SFRP2: variants seen among roughly 807,000 people sequenced by gnomAD.
SFRP2 encodes the protein secreted frizzled related protein 2.
In SFRP2, 16 loss-of-function variants were observed where a neutral mutation model predicts 26.0. That is an observed-to-expected ratio of 0.61 (90% confidence interval 0.42 to 0.93). The LOEUF is 0.93. Among genes scored for constraint, SFRP2 ranks in the 40% least tolerant of loss-of-function variants. The probability of loss-of-function intolerance (pLI) is 0.00; values close to 1 mark genes in which losing one functional copy is unlikely to be tolerated. For missense variants in SFRP2, 343 were observed against 392.4 expected (o/e 0.87, Z 1.06); for synonymous variants, 173 against 167.3 (o/e 1.03, Z -0.26).
chr4:153,784,272 T>C (rs180759323), intron 2 of SFRP2, among the ~76,000 whole-genome samples: 33 of 152,358 alleles, frequency 2.2e-4, no homozygotes, highest in Non-Finnish European at 4.0e-4. Flanking sequence ...ATCTTGCCCT[T>C]AATGAAGTGA....
At position 153,789,045 on chromosome 4, in the gene SFRP2, G is replaced by A. The variant is rs554432240; in HGVS notation, c.-210C>T. The stretch of plus-strand genomic sequence containing the variant: ...GCAAGCCCGCGCGCAGCTCCGGGGG[G>A]CTCCGACCCGGGGGAGCAGAATGAG... On this transcript the variant is annotated 5_prime_UTR_variant, in exon 1 of 3. Coordinates refer to ENST00000274063, the MANE Select transcript of SFRP2 (RefSeq NM_003013.3). 3.6e-5 allele frequency: 19 copies of A among 532,784 alleles called. No homozygotes were observed. The highest frequency in any genetic ancestry group is 3.1e-4 in the Admixed American group (8 of 25,578). 33.0% of individuals were successfully genotyped at this position (532,784 alleles called of 1,614,324 possible). A position where few individuals can be genotyped will look rare whatever the true frequency, so the allele number is the denominator to read the frequency against.
Position 153,781,604 on chromosome 4 carries a change from G to C in SFRP2, c.735C>G (p.Cys245Trp). 2 of 1,614,174 alleles carry C rather than the reference G, an allele frequency of 1.2e-6. No individual in the cohort carries two copies. Among genetic ancestry groups the C allele is most frequent in the Non-Finnish European group, 1.7e-6 (2 of 1,180,022 alleles). The change falls in exon 3 of 3, where the codon TGC becomes TGG. Residue 245 changes from cysteine to tryptophan, a missense_variant. Transcript: ENST00000274063. ...SVLWLKDSLQCTCEEMNDINA... is the reference protein window; with the variant it reads ...SVLWLKDSLQWTCEEMNDINA... ...TGATGTCGTTCATCTCCTCACAGGT[G>C]CACTGCAAGCTGTCTTTGAGCCACA...
intron 1 of SFRP2, among the ~76,000 whole-genome samples, chr4:153,787,270 G>T (rs886168933): frequency 2.0e-5 from 3 of 152,300 alleles, no homozygotes; most frequent in Middle Eastern, 6.8e-3. Context: ...ACAAATGTTT[G>T]AAAAATGCCA....
intron 1 of SFRP2, 90 bp from the exon 2 acceptor site, chr4:153,786,034 CA>C: frequency 1.6e-6 from 1 of 636,864 alleles, no homozygotes; most frequent in Non-Finnish European, 2.6e-6. Flanking sequence ...CTTATCCAGA[CA>C]AAAGTAGCAA....
At chr4:153,785,681 G>A (rs1741192520) in intron 2 of SFRP2, among the ~76,000 whole-genome samples, 183 bp downstream of exon 2, 1 of 151,474 alleles carries the variant, frequency 6.6e-6, no homozygotes, top group Admixed American at 6.6e-5. Flanking sequence ...ACAACTCAAT[G>A]CTAGACAGTT....
chr4:153,785,709 G>C (rs1281043093), intron 2 of SFRP2, among the ~76,000 whole-genome samples, 155 bp downstream of exon 2: 2 of 152,092 alleles, frequency 1.3e-5, no homozygotes, highest in Admixed American at 6.6e-5. Context: ...GAGGAAACTA[G>C]GATAGATCAA....
At chr4:153,781,822 C>G (rs1262232683) in intron 2 of SFRP2, 67 bp from the exon 3 acceptor site, 4 of 1,384,664 alleles carry the variant, frequency 2.9e-6, no homozygotes, top group Non-Finnish European at 3.0e-6. Flanking sequence ...TCCCCCCATT[C>G]TGCCAACTCG....
Position 153,788,488 on chromosome 4 carries a change from C to A in SFRP2, c.348G>T (p.Ser116=), listed in dbSNP as rs760558817. The A allele has an allele frequency of 5.6e-6, 9 of 1,614,200 alleles. No individual in the cohort carries two copies. In the South Asian group the frequency reaches 9.9e-5, roughly 18 times the overall value. The part of the protein sequence containing the change: ...DLDETIQPCH[S]LCVQVKDRCA... ...AGCGGTCCTTCACCTGCACGCAGAG[C>A]GAGTGGCATGGCTGGATGGTCTCGT... Residue 116 remains serine, a synonymous_variant, in exon 1 of 3, where the codon TCG becomes TCT. Coordinates refer to ENST00000274063, the MANE Select transcript of SFRP2 (RefSeq NM_003013.3).
chr4:153,788,266 G>A, intron 1 of SFRP2, 68 bp downstream of exon 1: 1 of 1,539,940 alleles, frequency 6.5e-7, no homozygotes, highest in Non-Finnish European at 8.8e-7. Flanking sequence ...GGGATGCGTG[G>A]CAGGGGCGGG....
intron 1 of SFRP2, among the ~76,000 whole-genome samples, chr4:153,786,492 C>G (rs923605674): frequency 6.6e-6 from 1 of 152,134 alleles, no homozygotes; most frequent in Non-Finnish European, 1.5e-5. Flanking sequence ...CAAGTCTGGA[C>G]TGGGAGGGGT....
chr4:153,785,797 C>T, intron 2 of SFRP2, 67 bp downstream of exon 2: 2 of 1,042,638 alleles, frequency 1.9e-6, no homozygotes, highest in Non-Finnish European at 1.4e-6. Context: ...ATGATTTGCA[C>T]CTTGAAGTTT....
intron 2 of SFRP2, among the ~76,000 whole-genome samples, chr4:153,783,541 A>G (rs1741155614): frequency 6.6e-6 from 1 of 152,206 alleles, no homozygotes; most frequent in Non-Finnish European, 1.5e-5. Flanking sequence ...GTCCTGGAGG[A>G]TGTGACTGAG....
In SFRP2 at chr4:153,781,508, C is replaced by T; in HGVS notation, c.831G>A (p.Gln277=). ...ELVITSVKRW[Q]KGQREFKRIS... Reference sequence around the variant, plus strand: ...TGCGCTTGAACTCTCTCTGCCCCTTCTGCCACCGCTTCACCGAGGTGATCA... The same window carrying T: ...TGCGCTTGAACTCTCTCTGCCCCTTTTGCCACCGCTTCACCGAGGTGATCA... Residue 277 remains glutamine, a synonymous_variant, in exon 3 of 3, where the codon CAG becomes CAA. Transcript: ENST00000274063. 6.2e-7 allele frequency: 1 copy of T among 1,614,180 alleles called. No homozygotes were observed.
Position 153,781,716 on chromosome 4 carries a change from C to T in SFRP2, c.623G>A (p.Arg208Gln), listed in dbSNP as rs773710868. ...IKVKEITYIN[R>Q]DTKIILETKS... The stretch of plus-strand genomic sequence containing the variant: ...GGTCTCCAGGATGATTTTGGTATCT[C>T]GGTTGATGTAGGTTATCTCCTTCAC... Residue 208 changes from arginine (R) to glutamine (Q), a missense_variant, in exon 3 of 3, where the codon CGA (arginine) becomes CAA (glutamine). Transcript: ENST00000274063. 6.2e-7 allele frequency: 1 copy of T among 1,614,066 alleles called. No homozygotes were observed. Among genetic ancestry groups the T allele is most frequent in the Non-Finnish European group, 8.5e-7 (1 of 1,179,980 alleles).
At chr4:153,785,573 AAAG>A (rs1335413110) in intron 2 of SFRP2, among the ~76,000 whole-genome samples, 12 of 149,094 alleles carry the variant, frequency 8.0e-5, no homozygotes, top group Non-Finnish European at 1.3e-4. Flanking sequence ...AAAAAAAAAA[AAAG>A]GGATTTAAAA....
chr4:153,783,493 C>T (rs888681780), intron 2 of SFRP2, among the ~76,000 whole-genome samples: 1 of 152,168 alleles, frequency 6.6e-6, no homozygotes, highest in Non-Finnish European at 1.5e-5. Context: ...CAGCTAGGCC[C>T]AAACAGAGAG....
rs745495443 is a variant in SFRP2, at chr4:153,781,463, C to T, written c.876G>A (p.Lys292=). The change falls in exon 3 of 3, where the codon AAG becomes AAA. Residue 292 remains lysine, a synonymous_variant. Coordinates refer to ENST00000274063, the MANE Select transcript of SFRP2 (RefSeq NM_003013.3). ...EFKRISRSIR[K]LQC ...CAGGATGCCGGGACTAGCACTGCAG[C>T]TTGCGGATGCTGCGGGAGATGCGCT... is the stretch of plus-strand genomic sequence containing the variant. The T allele has an allele frequency of 6.2e-6, 10 of 1,612,636 alleles. No homozygotes were observed. The Admixed American group carries it at 1.7e-4, about 27-fold the overall frequency.
chr4:153,781,703 G>T lies in SFRP2; in HGVS notation c.636C>A (p.Ile212=), dbSNP rs748645726. The change falls in exon 3 of 3, where the codon ATC becomes ATA. Residue 212 remains isoleucine (I), a synonymous_variant. Transcript: ENST00000274063. The part of the protein sequence containing the change: ...EITYINRDTK[I]ILETKSKTIY... ...TGGTCTTGCTCTTGGTCTCCAGGAT[G>T]ATTTTGGTATCTCGGTTGATGTAGG... 1.2e-6 allele frequency: 2 copies of T among 1,614,098 alleles called. No homozygotes were observed. The highest frequency in any genetic ancestry group is 2.2e-5 in the South Asian group (2 of 91,070).
At chr4:153,786,033 A>C (rs1391467572) in intron 1 of SFRP2, 89 bp from the exon 2 acceptor site, 1 of 665,968 alleles carries the variant, frequency 1.5e-6, no homozygotes, top group South Asian at 2.3e-5. Flanking sequence ...ACTTATCCAG[A>C]CAAAAGTAGC....
Sources: gnomAD v4.1 joint callset for allele counts (sites outside exome capture counted in the v4.1 genomes callset) on GRCh38, gnomAD v4.1.1 for gene constraint, MANE v1.5 for transcripts, NCBI Gene and HGNC (gene_info 2026-07-23, HGNC 2026-07-21) for gene names.